Variants in PDHX observed in about 807,000 individuals in gnomAD.
PDHX encodes the protein pyruvate dehydrogenase complex component X, also known as pyruvate dehydrogenase protein X component, mitochondrial.
Under a neutral mutation model 55.3 loss-of-function variants are expected in PDHX, and 33 were observed. That is an observed-to-expected ratio of 0.60 (90% CI 0.45 to 0.80). PDHX has a LOEUF of 0.80. PDHX is among the 30% of genes least tolerant of loss of function. The probability of loss-of-function intolerance (pLI) is 0.00; values close to 1 mark genes in which losing one functional copy is unlikely to be tolerated. For missense variants in PDHX, 622 were observed against 619.9 expected (o/e 1.00, Z -0.04); for synonymous variants, 226 against 219.4 (o/e 1.03, Z -0.27).
At chr11:34,947,469 T>TTTTAAAAACATTAAAACATTTG in intron 2 of PDHX, 37 bp from the exon 3 acceptor site, 1 of 1,368,860 alleles carries the variant, frequency 7.3e-7, no homozygotes, top group Non-Finnish European at 1.0e-6. Flanking sequence ...AATATTTATA[T>TTTTAAAAACATTAAAACATTTG]TTTAAAAAAC....
At chr11:34,988,457 C>G (rs775638610) in intron 9 of PDHX, among the ~76,000 whole-genome samples, 3 of 151,770 alleles carry the variant, frequency 2.0e-5, no homozygotes, top group Non-Finnish European at 2.9e-5. Context: ...AGCCTCCTCC[C>G]AACCACTCAG....
intron 8 of PDHX, among the ~76,000 whole-genome samples, chr11:34,981,571 G>A (rs1386249356): frequency 6.6e-6 from 1 of 152,090 alleles, no homozygotes; most frequent in Non-Finnish European, 1.5e-5. Context: ...CTGAGGAATC[G>A]CCACACTGAC....
chr11:34,958,989 A>T (rs1399004173), intron 4 of PDHX, among the ~76,000 whole-genome samples: 1 of 152,144 alleles, frequency 6.6e-6, no homozygotes, highest in Non-Finnish European at 1.5e-5. Flanking sequence ...CCCATATCAG[A>T]GTTATTTAAT....
At chr11:34,930,702 G>A (rs537371310) in intron 1 of PDHX, among the ~76,000 whole-genome samples, 2 of 152,152 alleles carry the variant, frequency 1.3e-5, no homozygotes, top group African/African-American at 2.4e-5. Flanking sequence ...TTGCTTTTTC[G>A]ATACCTAAGG....
chr11:34,933,014 A>G (rs1035876003), intron 2 of PDHX, among the ~76,000 whole-genome samples: 1 of 152,218 alleles, frequency 6.6e-6, no homozygotes, highest in African/African-American at 2.4e-5. Flanking sequence ...TGGCAGTGCT[A>G]ATATTTAAGA....
At chr11:34,978,512 C>T (rs1271670526) in intron 8 of PDHX, among the ~76,000 whole-genome samples, 1 of 151,950 alleles carries the variant, frequency 6.6e-6, no homozygotes, top group East Asian at 1.9e-4. Context: ...GGTGAAAGTG[C>T]TGAGGAGAAA....
upstream of PDHX, chr11:34,915,927 G>A (rs1296790094): frequency 2.0e-6 from 1 of 498,728 alleles, no homozygotes; most frequent in Non-Finnish European, 3.5e-6. Context: ...CTGCCTTCCT[G>A]ATAAATACCC....
chr11:34,969,524 A>G (rs1185330330), intron 6 of PDHX, among the ~76,000 whole-genome samples: 1 of 151,904 alleles, frequency 6.6e-6, no homozygotes, highest in East Asian at 1.9e-4. Context: ...TTGTATTCTT[A>G]GTAGAGATGG....
chr11:34,987,538 T>C (rs1855672769), intron 9 of PDHX, among the ~76,000 whole-genome samples: 1 of 151,912 alleles, frequency 6.6e-6, no homozygotes, highest in Admixed American at 6.6e-5. Context: ...AGATCTGAGC[T>C]CCTGCAAAAT....
rs766332522 is a variant in PDHX at position 34,957,395 on chromosome 11, A to G, written c.354A>G (p.Gly118=). 1 of 1,599,960 alleles carries G rather than the reference A, an allele frequency of 6.3e-7. No individual in the cohort carries two copies. The highest frequency in any genetic ancestry group is 1.3e-5 in the African/African-American group (1 of 74,678). The change falls in exon 4 of 11, where the codon GGA becomes GGG. Residue 118 remains glycine (G), a synonymous_variant. Transcript: ENST00000227868. ...GILAKIVVEE[G]SKNIRLGSLI... is the part of the protein sequence containing the mutation. ...TTTTTTAAATATAGGTTGAAGAAGG[A>G]AGTAAAAATATACGGCTAGGTTCAC...
intron 3 of PDHX, among the ~76,000 whole-genome samples, chr11:34,951,448 G>T (rs1422036024): frequency 6.6e-6 from 1 of 152,126 alleles, no homozygotes; most frequent in East Asian, 1.9e-4. Context: ...GATGGCCAGT[G>T]ATGATGAGCA....
Position 34,995,094 on chromosome 11 carries a change from A to G in PDHX, c.1428A>G (p.Arg476=). 1.2e-6 allele frequency: 2 copies of G among 1,614,062 alleles called. No individual in the cohort carries two copies. Among genetic ancestry groups the G allele is most frequent in the Non-Finnish European group, 1.7e-6 (2 of 1,179,930 alleles). ...LITVTMSSDS[R]VVDDELATRF... Reference sequence around the variant, plus strand: ...CAGTCACAATGTCAAGTGACAGTCGAGTGGTTGATGACGAACTGGCAACCA... The same window carrying G: ...CAGTCACAATGTCAAGTGACAGTCGGGTGGTTGATGACGAACTGGCAACCA... The change falls in exon 11 of 11, where the codon CGA becomes CGG. Residue 476 remains arginine (R), a synonymous_variant. Coordinates refer to ENST00000227868, the MANE Select transcript of PDHX (RefSeq NM_003477.3).
At chr11:34,964,665 TCTTG>T (rs1314988035) in intron 5 of PDHX, among the ~76,000 whole-genome samples, 1 of 152,120 alleles carries the variant, frequency 6.6e-6, no homozygotes, top group Non-Finnish European at 1.5e-5. Flanking sequence ...GCAATTTTGT[TCTTG>T]CTTCTTTATG....
intron 2 of PDHX, among the ~76,000 whole-genome samples, chr11:34,946,268 A>G (rs953855435): frequency 6.7e-6 from 1 of 150,272 alleles, no homozygotes; most frequent in Non-Finnish European, 1.5e-5. Context: ...TCGTTTTTTT[A>G]TTTCTACCTG....
At chr11:34,936,545 A>G (rs1015874700) in intron 2 of PDHX, among the ~76,000 whole-genome samples, 8 of 152,140 alleles carry the variant, frequency 5.3e-5, no homozygotes, top group Admixed American at 1.3e-4. Flanking sequence ...AATGAGAAGG[A>G]CATTCCAGCT....
chr11:34,966,789 C>T lies in PDHX; in HGVS notation c.791C>T (p.Ser264Leu), dbSNP rs763473883. ...SYPRPVIPPV[S>L]TPGQPNAVGT... Reference sequence around the variant, plus strand: ...CCCCGGCCTGTGATCCCACCAGTATCAACTCCTGGACAACCCAATGCAGTG... The same window carrying T: ...CCCCGGCCTGTGATCCCACCAGTATTAACTCCTGGACAACCCAATGCAGTG... The change falls in exon 6 of 11, where the codon TCA becomes TTA. Residue 264 changes from serine (S) to leucine (L), a missense_variant. By Grantham distance (145) the Ser-to-Leu change is moderately radical (BLOSUM62 -2). Transcript: ENST00000227868. The T allele has an allele frequency of 1.9e-6, 3 of 1,614,006 alleles. No homozygotes were observed. The South Asian group carries it at 3.3e-5, about 18-fold the overall frequency.
intron 5 of PDHX, among the ~76,000 whole-genome samples, chr11:34,964,820 TTAGCATAACTAATATTAGCTAG>T (rs1179116105): frequency 4.1e-5 from 3 of 73,180 alleles, no homozygotes; most frequent in South Asian, 8.8e-4. Context: ...ATATTAGCTA[TTAGCATAACTAATATTAGCTAG>T]CTATTAGCAT....
chr11:34,934,483 A>G (rs1300702803), intron 2 of PDHX, among the ~76,000 whole-genome samples: 1 of 151,972 alleles, frequency 6.6e-6, no homozygotes, highest in Non-Finnish European at 1.5e-5. Flanking sequence ...ACCAGTGCCA[A>G]TGTATGGACC....
Position 34,995,121 on chromosome 11 carries a change from G to A in PDHX, c.1455G>A (p.Arg485=), listed in dbSNP as rs756480324. 2.5e-6 allele frequency: 4 copies of A among 1,614,014 alleles called. No homozygotes were observed. The African/African-American group carries it at 4.0e-5, about 16-fold the overall frequency. ...SRVVDDELAT[R]FLKSFKANLE... is the part of the protein sequence containing the mutation. Reference sequence around the variant, plus strand: ...TGGTTGATGACGAACTGGCAACCAGGTTTCTTAAAAGTTTTAAAGCAAACC... The same window carrying A: ...TGGTTGATGACGAACTGGCAACCAGATTTCTTAAAAGTTTTAAAGCAAACC... Residue 485 remains arginine, a synonymous_variant, in exon 11 of 11, where the codon AGG becomes AGA. Coordinates refer to ENST00000227868, the MANE Select transcript of PDHX (RefSeq NM_003477.3).
Sources: allele counts gnomAD v4.1 joint callset (sites outside exome capture counted in the v4.1 genomes callset), GRCh38; gene constraint gnomAD v4.1.1; transcripts MANE v1.5; gene names NCBI Gene and HGNC (gene_info 2026-07-23, HGNC 2026-07-21).